SLC35F1: variants seen among roughly 807,000 people sequenced by gnomAD.
SLC35F1 encodes the protein chromosome 6 open reading frame 169.
Under a neutral mutation model 48.7 loss-of-function variants are expected in SLC35F1, and 14 were observed. The observed-to-expected ratio is 0.29, with a 90% confidence interval of 0.19 to 0.45. The LOEUF (loss-of-function observed/expected upper bound fraction) is 0.45. Among genes scored for constraint, SLC35F1 ranks in the 20% least tolerant of loss-of-function variants. The probability of loss-of-function intolerance (pLI) is 1.00; values close to 1 mark genes in which losing one functional copy is unlikely to be tolerated. For missense variants in SLC35F1, 404 were observed against 500.0 expected (o/e 0.81, Z 1.83); for synonymous variants, 190 against 202.2 (o/e 0.94, Z 0.51).
chr6:118,138,297 A>G (rs2114436231), intron 1 of SLC35F1, among the ~76,000 whole-genome samples: 1 of 141,394 alleles, frequency 7.1e-6, no homozygotes, highest in African/African-American at 2.6e-5. Context: ...TCATAGCAAG[A>G]CTCCCACCTC....
chr6:118,205,761 A>G (rs1774927807), intron 2 of SLC35F1, among the ~76,000 whole-genome samples: 1 of 152,246 alleles, frequency 6.6e-6, no homozygotes, highest in Non-Finnish European at 1.5e-5. Context: ...AGATGAATGG[A>G]TAAGCAAAAT....
chr6:118,094,482 G>A (rs561106915), intron 1 of SLC35F1, among the ~76,000 whole-genome samples: 32 of 152,192 alleles, frequency 2.1e-4, no homozygotes, highest in Admixed American at 1.6e-3. Flanking sequence ...GATGGTGTGG[G>A]ATTATGGGGC....
intron 1 of SLC35F1, among the ~76,000 whole-genome samples, chr6:118,059,665 G>C (rs140142310): frequency 6.6e-6 from 1 of 152,286 alleles, no homozygotes. Flanking sequence ...AATTCCTGAG[G>C]CAGGGAAAAA....
intron 1 of SLC35F1, among the ~76,000 whole-genome samples, chr6:118,057,801 A>T (rs1302300804): frequency 6.6e-6 from 1 of 152,220 alleles, no homozygotes; most frequent in African/African-American, 2.4e-5. Flanking sequence ...TTGAGAAATG[A>T]AGACAACTAG....
chr6:117,944,580 C>CACACGT (rs1776270438), intron 1 of SLC35F1, among the ~76,000 whole-genome samples: 1 of 148,566 alleles, frequency 6.7e-6, no homozygotes, highest in Admixed American at 6.7e-5. Flanking sequence ...TCCCAAAACA[C>CACACGT]ACACATACAC....
At chr6:118,016,139 G>A (rs1704475874) in intron 1 of SLC35F1, among the ~76,000 whole-genome samples, 1 of 152,154 alleles carries the variant, frequency 6.6e-6, no homozygotes, top group Non-Finnish European at 1.5e-5. Flanking sequence ...TACTTCTTGA[G>A]AATTCAGCTC....
chr6:117,999,139 G>A, intron 1 of SLC35F1: 18 of 1,590,570 alleles, frequency 1.1e-5, no homozygotes, highest in Non-Finnish European at 1.5e-5. Context: ...AGGGCCTAAA[G>A]AAGATGCAGG....
At chr6:118,211,124 T>C (rs1774996520) in intron 2 of SLC35F1, among the ~76,000 whole-genome samples, 3 of 152,046 alleles carry the variant, frequency 2.0e-5, no homozygotes, top group Admixed American at 2.0e-4. Flanking sequence ...TCAGAAGAAA[T>C]CAACTCTGTC....
intron 1 of SLC35F1, among the ~76,000 whole-genome samples, chr6:118,084,471 T>C (rs1772955893): frequency 6.6e-6 from 1 of 152,168 alleles, no homozygotes; most frequent in Non-Finnish European, 1.5e-5. Flanking sequence ...TCATCTCCAC[T>C]TATATGCTAA....
intron 1 of SLC35F1, among the ~76,000 whole-genome samples, chr6:118,078,125 A>C (rs1198489758): frequency 1.3e-5 from 2 of 152,064 alleles, no homozygotes; most frequent in Non-Finnish European, 2.9e-5. Context: ...GGTGGAGTAC[A>C]TTTTTACTAT....
intron 1 of SLC35F1, among the ~76,000 whole-genome samples, chr6:117,928,835 T>C (rs974615468): frequency 2.0e-5 from 3 of 152,174 alleles, no homozygotes; most frequent in Non-Finnish European, 4.4e-5. Flanking sequence ...TACAAAGGGG[T>C]TGGAGAACAG....
At chr6:118,031,786 T>G (rs1315553329) in intron 1 of SLC35F1, among the ~76,000 whole-genome samples, 1 of 152,230 alleles carries the variant, frequency 6.6e-6, no homozygotes, top group Admixed American at 6.5e-5. Context: ...GGGCAGTTTA[T>G]GCAGAAATCT....
rs1358713140 is a variant in SLC35F1, at chr6:117,928,612, G to A, written c.173+20713G>A. On this transcript the variant is annotated intron_variant, in intron 1 of 7. Coordinates refer to ENST00000360388, the MANE Select transcript of SLC35F1 (RefSeq NM_001029858.4). ...ATTTCTAATCATTAATTAGATGTAT[G>A]CCAGAAGTTGATAACACATATAAGC... 2.0e-5 allele frequency among the ~76,000 whole-genome samples: 3 copies of A among 152,150 alleles called. No individual in the cohort carries two copies. The East Asian group carries it at 5.8e-4, about 29-fold the overall frequency.
At chr6:118,135,463 C>T (rs1446312857) in intron 1 of SLC35F1, among the ~76,000 whole-genome samples, 1 of 152,152 alleles carries the variant, frequency 6.6e-6, no homozygotes, top group Non-Finnish European at 1.5e-5. Context: ...AGGCTAGAAG[C>T]ATGGTGAAAT....
At chr6:118,062,034 C>A (rs973351657) in intron 1 of SLC35F1, among the ~76,000 whole-genome samples, 5 of 151,158 alleles carry the variant, frequency 3.3e-5, no homozygotes, top group African/African-American at 1.2e-4. Context: ...TACCCATATT[C>A]TAGTGGATAC....
intron 7 of SLC35F1, among the ~76,000 whole-genome samples, chr6:118,307,722 C>G (rs1239529707): frequency 6.6e-6 from 1 of 152,188 alleles, no homozygotes; most frequent in African/African-American, 2.4e-5. Flanking sequence ...GAGCCAGGTT[C>G]GTCTAGTTGT....
chr6:117,934,589 T>G (rs1225850956), intron 1 of SLC35F1, among the ~76,000 whole-genome samples: 6 of 152,214 alleles, frequency 3.9e-5, no homozygotes. Context: ...AATTCAATTC[T>G]CAGTTATGAA....
chr6:118,294,966 C>A (rs1582775105), intron 7 of SLC35F1, among the ~76,000 whole-genome samples: 1 of 152,226 alleles, frequency 6.6e-6, no homozygotes, highest in East Asian at 1.9e-4. Flanking sequence ...CATATTTATA[C>A]CAGATAATTT....
At chr6:118,044,363 TTCC>T (rs1554224126) in intron 1 of SLC35F1, among the ~76,000 whole-genome samples, 5 of 152,206 alleles carry the variant, frequency 3.3e-5, no homozygotes. Context: ...CCTGTCTTTC[TTCC>T]TGTGGTTAAG....
Sources: gnomAD v4.1 joint callset for allele counts (sites outside exome capture counted in the v4.1 genomes callset) on GRCh38, gnomAD v4.1.1 for gene constraint, MANE v1.5 for transcripts, NCBI Gene and HGNC (gene_info 2026-07-23, HGNC 2026-07-21) for gene names.